TMPRSS9: variants seen among roughly 807,000 people sequenced by gnomAD.
The protein encoded by TMPRSS9 is transmembrane serine protease 9.
TMPRSS9 carries 113 observed loss-of-function variants against 111.4 expected under a neutral mutation model. That is an observed-to-expected ratio of 1.01 (90% confidence interval 0.87 to 1.19). TMPRSS9 has a LOEUF of 1.19. Ranked by LOEUF, TMPRSS9 falls within the 50% of genes most tolerant of loss-of-function variation. The pLI is 0.00. For synonymous variants in TMPRSS9, 805 were observed against 659.1 expected (o/e 1.22, Z -3.39); for missense variants, 1,803 against 1,513.1 (o/e 1.19, Z -3.18).
chr19:2,381,393 C>G (rs1452241387), intron 1 of TMPRSS9, among the ~76,000 whole-genome samples: 1 of 151,284 alleles, frequency 6.6e-6, no homozygotes, highest in Non-Finnish European at 1.5e-5. Flanking sequence ...GGAGTGAGCT[C>G]ATACTCTAAA....
intron 14 of TMPRSS9, among the ~76,000 whole-genome samples, chr19:2,423,528 TG>T (rs908777285): frequency 1.3e-4 from 20 of 150,506 alleles, no homozygotes; most frequent in Non-Finnish European, 7.4e-5. Context: ...CGGGGGGGCT[TG>T]CCCCTGAGGA....
chr19:2,401,735 G>A (rs796940731), intron 4 of TMPRSS9, among the ~76,000 whole-genome samples: 1 of 151,598 alleles, frequency 6.6e-6, no homozygotes, highest in African/African-American at 2.4e-5. Context: ...AGCCTCCCGA[G>A]TAGCTGGGAT....
intron 1 of TMPRSS9, chr19:2,396,144 T>G (rs1970702312): frequency 6.0e-6 from 1 of 167,482 alleles, no homozygotes; most frequent in African/African-American, 2.4e-5. Context: ...CGTCTCCTGA[T>G]GCCATTCCAG....
rs1971181823 is a variant in TMPRSS9 at position 2,414,694 on chromosome 19, G to A, written c.1573+676G>A. Among the ~76,000 whole-genome samples the A allele has an allele frequency of 2.0e-5, 3 of 151,452 alleles. No homozygotes were observed. In the South Asian group the frequency reaches 6.3e-4, roughly 32 times the overall value. Reference sequence around the variant, plus strand: ...GTTCAAGACCAGCCTGGCCAACATGGCAAAACCCCATCTATACTAAAAATT... The same window carrying A: ...GTTCAAGACCAGCCTGGCCAACATGACAAAACCCCATCTATACTAAAAATT... On this transcript the variant is annotated intron_variant, in intron 10 of 17. Transcript: ENST00000648592.
exon 11 of TMPRSS9, chr19:2,415,716 C>T (rs776160279): frequency 4.4e-6 from 7 of 1,608,172 alleles, no homozygotes; most frequent in Non-Finnish European, 4.2e-6. Flanking sequence ...GGGTCGTGGG[C>T]GGGTTCGGAG....
chr19:2,366,583 T>C (rs909538373), intron 1 of TMPRSS9, among the ~76,000 whole-genome samples: 7 of 149,386 alleles, frequency 4.7e-5, no homozygotes, highest in Admixed American at 6.7e-5. Context: ...AGGGGCTGGG[T>C]GCGGTGGCTC....
At chr19:2,422,590 A>C (rs1039607863) in intron 14 of TMPRSS9, among the ~76,000 whole-genome samples, 1 of 151,710 alleles carries the variant, frequency 6.6e-6, no homozygotes, top group African/African-American at 2.4e-5. Flanking sequence ...AGAAAAAGAC[A>C]TAACGGCCTC....
At chr19:2,412,917 GGC>G (rs1330640024) in intron 9 of TMPRSS9, among the ~76,000 whole-genome samples, 1 of 152,188 alleles carries the variant, frequency 6.6e-6, no homozygotes, top group Non-Finnish European at 1.5e-5. Flanking sequence ...GAGTCGGCCA[GGC>G]ACGGTGGCTC....
chr19:2,398,173 G>A (rs922654657), intron 2 of TMPRSS9, among the ~76,000 whole-genome samples: 28 of 150,882 alleles, frequency 1.9e-4, no homozygotes, highest in Non-Finnish European at 1.6e-4. Flanking sequence ...GTGTGTGCCT[G>A]TAATCCCAGC....
At chr19:2,411,639 C>T (rs1364067754) in intron 9 of TMPRSS9, among the ~76,000 whole-genome samples, 2 of 152,190 alleles carry the variant, frequency 1.3e-5, no homozygotes, top group Non-Finnish European at 1.5e-5. Context: ...TCTTGGCTCA[C>T]CTCCCAGTTT....
chr19:2,418,038 G>A, exon 13 of TMPRSS9: 3 of 1,612,270 alleles, frequency 1.9e-6, no homozygotes, highest in Non-Finnish European at 2.5e-6. Context: ...GCGTCCGTGG[G>A]CATCATAGAC....
intron 7 of TMPRSS9, among the ~76,000 whole-genome samples, chr19:2,406,610 C>G (rs1271249030): frequency 6.6e-6 from 1 of 151,708 alleles, no homozygotes; most frequent in Non-Finnish European, 1.5e-5. Flanking sequence ...GCTGGGATTA[C>G]AGGCGTGAGC....
chr19:2,379,669 C>A (rs1970370025), intron 1 of TMPRSS9, among the ~76,000 whole-genome samples: 1 of 147,030 alleles, frequency 6.8e-6, no homozygotes, highest in African/African-American at 2.6e-5. Flanking sequence ...TTCTTTCTTT[C>A]TTTCTTTCTC....
In TMPRSS9 at chr19:2,410,247, C is replaced by T. The variant is rs73510325; in HGVS notation, c.1118-11C>T. On this transcript the variant is annotated splice_polypyrimidine_tract_variant and intron_variant, in intron 8 of 17. Transcript: ENST00000648592. ...CACTCTCACCCTGCTTTTCTCTCCCCATTCGGCCAGTGGTCAAGCCAGAGG... is the reference window on the plus strand; with the variant it reads ...CACTCTCACCCTGCTTTTCTCTCCCTATTCGGCCAGTGGTCAAGCCAGAGG... The T allele has an allele frequency of 1.0e-3, 1,679 of 1,613,690 alleles. 11 individuals are homozygous for T. In the African/African-American group the frequency reaches 0.018, roughly 17 times the overall value.
At chr19:2,374,523 G>A (rs566101846) in intron 1 of TMPRSS9, among the ~76,000 whole-genome samples, 3 of 151,936 alleles carry the variant, frequency 2.0e-5, no homozygotes, top group South Asian at 2.1e-4. Context: ...GCAGTGAGCC[G>A]AGATCGCGCC....
At chr19:2,366,668 T>C (rs1176974775) in intron 1 of TMPRSS9, among the ~76,000 whole-genome samples, 6 of 151,242 alleles carry the variant, frequency 4.0e-5, no homozygotes, top group Admixed American at 1.3e-4. Context: ...CCATCCTGGC[T>C]AACACGATGA....
In TMPRSS9 at chr19:2,422,050, T is replaced by TGCTG; in HGVS notation, c.2354_2357dup (p.Thr787GlyfsTer46). On this transcript the variant is annotated frameshift_variant, in exon 14 of 18. Coordinates refer to ENST00000648592, the Ensembl canonical transcript of TMPRSS9. LOFTEE classifies it high-confidence loss of function. ...ATGTCTCCCCCCTCGACCACAAGGA[T>TGCTG]GCTGGCCACCACCAGCCCCAGGACG... is the stretch of plus-strand genomic sequence containing the variant. 3 of 1,612,316 alleles carry TGCTG rather than the reference T, an allele frequency of 1.9e-6. No homozygotes were observed. The highest frequency in any genetic ancestry group is 2.5e-6 in the Non-Finnish European group (3 of 1,179,590).
chr19:2,391,844 C>T (rs528708662), intron 1 of TMPRSS9, among the ~76,000 whole-genome samples: 25 of 150,092 alleles, frequency 1.7e-4, no homozygotes, highest in South Asian at 4.2e-4. Flanking sequence ...CAGGTTCAAG[C>T]GATTCTCCTG....
At chr19:2,408,457 ACCC>A in exon 8 of TMPRSS9, 4 of 1,613,308 alleles carry the variant, frequency 2.5e-6, no homozygotes, top group Non-Finnish European at 3.4e-6. Context: ...ATCGTCAAGC[ACCC>A]CCTGTACAAC....
Sources: allele counts gnomAD v4.1 joint callset (sites outside exome capture counted in the v4.1 genomes callset), GRCh38; gene constraint gnomAD v4.1.1; transcripts MANE v1.5; gene names NCBI Gene and HGNC (gene_info 2026-07-23, HGNC 2026-07-21).